SPIN3: variants seen among roughly 807,000 people sequenced by gnomAD.
SPIN3 encodes the protein spindlin family member 3.
For synonymous variants in SPIN3, 74 were observed against 74.3 expected, an observed-to-expected ratio of 1.00 and a Z score of 0.02; for missense variants, 176 against 196.4, an observed-to-expected ratio of 0.90 and a Z score of 0.62.
exon 3 of SPIN3, chrX:56,984,456 G>A: frequency 3.1e-6 from 1 of 327,833 alleles, no homozygotes. Context: ...GTTCTTGGTG[G>A]TGGGCAGGTT....
At chrX:56,977,731 G>T (rs965246949) in intron 5 of SPIN3, 3 of 111,826 alleles carry the variant, frequency 2.7e-5, no homozygotes, top group African/African-American at 9.8e-5. Flanking sequence ...TTCTGCCCTT[G>T]TGAATGGATT....
chrX:56,978,373 C>T (rs1335676446), exon 5 of SPIN3: 1 of 111,643 alleles, frequency 9.0e-6, no homozygotes, highest in Non-Finnish European at 1.9e-5. Flanking sequence ...ACCTTGTGGA[C>T]AGATGTGGAG....
chrX:56,986,906 C>T (rs965513830), downstream of SPIN3, among the ~76,000 whole-genome samples: 7 of 111,493 alleles, frequency 6.3e-5, no homozygotes, highest in Non-Finnish European at 9.4e-5. Context: ...CTGAGGCAGG[C>T]GGATCACCTG....
exon 6 of SPIN3, chrX:56,976,671 T>C (rs943952518): frequency 1.8e-5 from 2 of 111,554 alleles, no homozygotes; most frequent in Non-Finnish European, 3.8e-5. Flanking sequence ...GAAGTGAGCA[T>C]ATTGTTGCTA....
rs1418738706 is a variant in SPIN3, at chrX:56,994,570, T to G, written c.378A>C (p.Glu126Asp). 3.3e-6 allele frequency: 4 copies of G among 1,210,383 alleles called. No individual in the cohort carries two copies. The highest frequency in any genetic ancestry group is 4.5e-6 in the Non-Finnish European group (4 of 895,362). ...GTTCCACTGCTTTGCCAACCATTAT[T>G]TCTGCCAAGTGTGTATCACTGATTC... Reference protein sequence around the residue: ...SSRISDTHLAEIMVGKAVEHI... With the variant: ...SSRISDTHLADIMVGKAVEHI... The change falls in exon 2 of 2, where the codon GAA becomes GAC. Residue 126 changes from glutamate to aspartate, a missense_variant. Coordinates refer to ENST00000374919, the MANE Select transcript of SPIN3 (RefSeq NM_001010862.3).
downstream of SPIN3, among the ~76,000 whole-genome samples, chrX:56,986,738 C>T (rs897933563): frequency 4.4e-5 from 5 of 112,552 alleles, no homozygotes. Flanking sequence ...ATGTTATGCA[C>T]CTGTTTCATA....
chrX:56,978,509 G>A, intron 4 of SPIN3: 1 of 111,975 alleles, frequency 8.9e-6, no homozygotes, highest in East Asian at 2.8e-4. Context: ...CTGAATAGTT[G>A]TAATTATATT....
downstream of SPIN3, chrX:56,975,816 C>G (rs952336739): frequency 1.8e-5 from 2 of 111,130 alleles, no homozygotes; most frequent in Non-Finnish European, 3.8e-5. Flanking sequence ...AATTGTTCCC[C>G]CTCGTGGTAG....
At chrX:56,982,364 C>T (rs894611958) in intron 3 of SPIN3, 1 of 111,409 alleles carries the variant, frequency 9.0e-6, no homozygotes, top group Non-Finnish European at 1.9e-5. Context: ...CCTGCCACTT[C>T]CCTTCTCAGT....
chrX:56,988,075 T>C (rs1924258970), downstream of SPIN3, among the ~76,000 whole-genome samples: 1 of 111,747 alleles, frequency 8.9e-6, no homozygotes, highest in African/African-American at 3.3e-5. Context: ...CTTGCTAGTA[T>C]AGAGCTAGTA....
downstream of SPIN3, chrX:56,975,713 G>A (rs1163124572): frequency 9.0e-6 from 1 of 111,129 alleles, no homozygotes. Context: ...GGTACGGCTG[G>A]CTGGTTACTG....
chrX:56,980,593 A>T (rs1381458561), intron 3 of SPIN3: 2 of 14,885 alleles, frequency 1.3e-4, no homozygotes, highest in South Asian at 1.7e-3. Context: ...TCCTTCATTA[A>T]AAAAAAAAGG....
intron 3 of SPIN3, among the ~76,000 whole-genome samples, chrX:56,981,293 G>A (rs776905013): frequency 2.8e-5 from 3 of 107,222 alleles, no homozygotes; most frequent in East Asian, 2.9e-4. Context: ...CCCAGGAGAT[G>A]GAGGTTGCAG....
In SPIN3 at chrX:56,993,606, C is replaced by G. The variant is rs1473782799; in HGVS notation, c.*565G>C. 8.9e-6 allele frequency: 1 copy of G among 112,194 alleles called. No homozygotes were observed. Among genetic ancestry groups the G allele is most frequent in the Non-Finnish European group, 1.9e-5 (1 of 53,362 alleles). The allele number at this position is 112,194 out of a possible 1,213,427, so 9.2% of individuals were successfully genotyped here. Reference sequence around the variant, plus strand: ...ATGCAAAGTAATTACCTTCTTAATTCTAAAACAGTTGAGCAATAGGTGAAA... The same window carrying G: ...ATGCAAAGTAATTACCTTCTTAATTGTAAAACAGTTGAGCAATAGGTGAAA... On this transcript the variant is annotated 3_prime_UTR_variant, in exon 2 of 2. Transcript: ENST00000374919.
At chrX:56,982,936 C>T (rs1184146319) in intron 3 of SPIN3, 1 of 111,411 alleles carries the variant, frequency 9.0e-6, no homozygotes, top group Non-Finnish European at 1.9e-5. Flanking sequence ...AAGGAAATGG[C>T]CTGAAACATA....
chrX:56,995,259 C>T lies in SPIN3; in HGVS notation c.-46G>A, dbSNP rs1569325956. ...TTCCCCACCGTCCCGGATTGCGGGC[C>T]TCAAGTGCACAAATCGGACACCTCG... On this transcript the variant is annotated 5_prime_UTR_variant, in exon 1 of 2. Coordinates refer to ENST00000374919, the MANE Select transcript of SPIN3 (RefSeq NM_001010862.3). 3.7e-6 allele frequency: 1 copy of T among 272,111 alleles called. No individual in the cohort carries two copies. Among genetic ancestry groups the T allele is most frequent in the Admixed American group, 5.9e-5 (1 of 16,919 alleles). The allele number at this position is 272,111 out of a possible 1,213,427, so 22.4% of individuals were successfully genotyped here.
chrX:56,994,613 T>A lies in SPIN3; in HGVS notation c.335A>T (p.Asn112Ile), dbSNP rs1265701252. 4.1e-6 allele frequency: 5 copies of A among 1,209,979 alleles called. No homozygotes were observed. The highest frequency in any genetic ancestry group is 5.6e-6 in the Non-Finnish European group (5 of 895,194). Residue 112 changes from asparagine to isoleucine, a missense_variant, in exon 2 of 2, where the codon AAT becomes ATT. Physicochemically the swap from Asn to Ile is moderately radical, Grantham distance 149. Coordinates refer to ENST00000374919, the MANE Select transcript of SPIN3 (RefSeq NM_001010862.3). ...ERVSSLEVLP[N>I]RVASSRISDT... ...ACTGATTCTAGATGATGCAACTCTA[T>A]TAGGAAGGACTTCAAGTGATGACAC...
At chrX:56,975,917 C>T (rs1923998874), downstream of SPIN3, 1 of 111,150 alleles carries the variant, frequency 9.0e-6, no homozygotes, top group African/African-American at 3.3e-5. Context: ...TGTGTGTAAG[C>T]CTAAGGCCAT....
chrX:56,991,444 T>A lies in SPIN3; in HGVS notation c.*2727A>T, dbSNP rs1373441278. ...CATTATAACCATTTTCTCAATCTCA[T>A]CAAGTTATTCCTCCTCCCAAGCATA... is the stretch of plus-strand genomic sequence containing the variant. On this transcript the variant is annotated 3_prime_UTR_variant, in exon 2 of 2. Coordinates refer to ENST00000374919, the MANE Select transcript of SPIN3 (RefSeq NM_001010862.3). 1 of 112,097 alleles carries A rather than the reference T, an allele frequency of 8.9e-6. No individual in the cohort carries two copies. Among genetic ancestry groups the A allele is most frequent in the Non-Finnish European group, 1.9e-5 (1 of 53,261 alleles). The allele number at this position is 112,097 out of a possible 1,213,427, so 9.2% of individuals were successfully genotyped here.
Sources: allele counts gnomAD v4.1 joint callset (sites outside exome capture counted in the v4.1 genomes callset), GRCh38; gene constraint gnomAD v4.1.1; transcripts MANE v1.5; gene names NCBI Gene and HGNC (gene_info 2026-07-23, HGNC 2026-07-21).